The following EGFLAM variants were observed in gnomAD, a reference collection of about 807,000 sequenced individuals.
EGFLAM encodes the protein EGF like, fibronectin type III and laminin G domains, also known as pikachurin.
A neutral mutation model predicts 113.1 loss-of-function variants in EGFLAM; 79 were observed. The ratio of observed to expected loss-of-function variants is 0.70; its 90% CI spans 0.58 to 0.84. The LOEUF (loss-of-function observed/expected upper bound fraction) is 0.84. Ranked by LOEUF, EGFLAM falls within the 40% of genes least tolerant of loss-of-function variation. The probability of loss-of-function intolerance (pLI) is 0.00; values close to 1 mark genes in which losing one functional copy is unlikely to be tolerated. For missense variants in EGFLAM, 1,265 were observed against 1,291.6 expected (o/e 0.98, Z 0.32); for synonymous variants, 504 against 487.6 (o/e 1.03, Z -0.44).
chr5:38,388,718 C>T (rs1270532239), intron 6 of EGFLAM, among the ~76,000 whole-genome samples: 1 of 150,168 alleles, frequency 6.7e-6, no homozygotes, highest in Admixed American at 6.6e-5. Flanking sequence ...CGAGATTGGG[C>T]CACTACCCTC....
intron 1 of EGFLAM, among the ~76,000 whole-genome samples, chr5:38,332,964 T>C (rs993155780): frequency 6.6e-6 from 1 of 152,222 alleles, no homozygotes; most frequent in African/African-American, 2.4e-5. Flanking sequence ...TGGAGGCCTG[T>C]TCCCAACACC....
intron 6 of EGFLAM, among the ~76,000 whole-genome samples, chr5:38,371,522 C>G (rs2112037085): frequency 6.6e-6 from 1 of 152,214 alleles, no homozygotes; most frequent in East Asian, 1.9e-4. Context: ...TGAAAACAAC[C>G]TCTACCCTAA....
At chr5:38,452,947 C>T (rs985810399) in intron 19 of EGFLAM, among the ~76,000 whole-genome samples, 2 of 152,188 alleles carry the variant, frequency 1.3e-5, no homozygotes, top group African/African-American at 4.8e-5. Context: ...AGGGGCAGGG[C>T]CTGTCTCGTG....
At chr5:38,349,944 A>G in intron 3 of EGFLAM, among the ~76,000 whole-genome samples, 1 of 131,810 alleles carries the variant, frequency 7.6e-6, no homozygotes, top group East Asian at 2.3e-4. Flanking sequence ...CCGTTTGTGC[A>G]GGGGAAGTAC....
At chr5:38,448,903 C>G (rs947731175) in intron 18 of EGFLAM, among the ~76,000 whole-genome samples, 4 of 152,194 alleles carry the variant, frequency 2.6e-5, no homozygotes, top group Non-Finnish European at 5.9e-5. Flanking sequence ...CAGGCTCTGG[C>G]CAGTTCAGTG....
chr5:38,316,551 T>G (rs1738600018), intron 1 of EGFLAM, among the ~76,000 whole-genome samples: 1 of 152,248 alleles, frequency 6.6e-6, no homozygotes, highest in Non-Finnish European at 1.5e-5. Context: ...CAAGAACTGC[T>G]ACTGACATTA....
intron 1 of EGFLAM, among the ~76,000 whole-genome samples, chr5:38,276,353 T>A (rs1757883659): frequency 6.6e-6 from 1 of 152,064 alleles, no homozygotes; most frequent in Non-Finnish European, 1.5e-5. Flanking sequence ...ACCAATCAGA[T>A]AAATTGAACT....
chr5:38,278,685 C>A (rs1757946276), intron 1 of EGFLAM, among the ~76,000 whole-genome samples: 1 of 152,088 alleles, frequency 6.6e-6, no homozygotes, highest in Non-Finnish European at 1.5e-5. Context: ...GATGGGGTTT[C>A]ACCATGTTGG....
chr5:38,412,424 T>G (rs1354210677), intron 10 of EGFLAM, 80 bp from the exon 11 acceptor site: 2 of 1,606,540 alleles, frequency 1.2e-6, no homozygotes, highest in African/African-American at 2.7e-5. Flanking sequence ...GCTGTTGACC[T>G]GGAAGTGACG....
rs776689319 is a variant in EGFLAM, at chr5:38,438,294, C to T, written c.2303C>T (p.Thr768Ile). 1 of 1,613,242 alleles carries T rather than the reference C, an allele frequency of 6.2e-7. No individual in the cohort carries two copies. Among genetic ancestry groups the T allele is most frequent in the Non-Finnish European group, 8.5e-7 (1 of 1,179,502 alleles). ...SIQKIILNDR[T>I]IHVKHDFTSG... ...CTCAAGATCATCCTGAATGACCGAA[C>T]CATCCATGTGAAGCATGACTTCACC... is the stretch of plus-strand genomic sequence containing the variant. The change falls in exon 17 of 22, where the codon ACC (threonine) becomes ATC (isoleucine). Residue 768 changes from threonine (T) to isoleucine (I), a missense_variant. Transcript: ENST00000322350.
intron 5 of EGFLAM, among the ~76,000 whole-genome samples, chr5:38,360,889 C>G (rs1419549714): frequency 2.0e-5 from 3 of 151,560 alleles, no homozygotes; most frequent in African/African-American, 7.3e-5. Flanking sequence ...TAGTCTTGCT[C>G]TGTCACTTAG....
intron 1 of EGFLAM, among the ~76,000 whole-genome samples, chr5:38,264,999 T>C (rs1261876401): frequency 2.0e-5 from 3 of 152,196 alleles, no homozygotes; most frequent in African/African-American, 7.2e-5. Flanking sequence ...CTCTCTTTGT[T>C]AGTCTCACTC....
At chr5:38,452,595 A>G (rs529786942) in intron 19 of EGFLAM, among the ~76,000 whole-genome samples, 2 of 152,342 alleles carry the variant, frequency 1.3e-5, no homozygotes, top group Admixed American at 6.5e-5. Flanking sequence ...TCAGCAGCTC[A>G]GGGAGGTCTA....
At position 38,369,818 on chromosome 5, in the gene EGFLAM, T is replaced by C. The variant is rs181119816; in HGVS notation, c.546-478T>C. ...GTATAATTAAGACTAAGAATGTCCG[T>C]GAACAGATTCTTCTTGGGTTTTCCC... On this transcript the variant is annotated intron_variant, in intron 5 of 21. Coordinates refer to ENST00000322350, the MANE Select transcript of EGFLAM (RefSeq NM_152403.4). Among the ~76,000 whole-genome samples the C allele has an allele frequency of 1.5e-3, 229 of 152,376 alleles. 1 individual carries two copies. Among genetic ancestry groups the C allele is most frequent in the African/African-American group, 4.7e-3 (196 of 41,590 alleles).
intron 1 of EGFLAM, among the ~76,000 whole-genome samples, chr5:38,259,145 C>G (rs772583217): frequency 2.6e-5 from 4 of 152,242 alleles, no homozygotes; most frequent in Non-Finnish European, 5.9e-5. Context: ...AGCGATCGTG[C>G]TGTCTCAATT....
At chr5:38,367,501 T>C (rs932360353) in intron 5 of EGFLAM, among the ~76,000 whole-genome samples, 1 of 151,916 alleles carries the variant, frequency 6.6e-6, no homozygotes, top group African/African-American at 2.4e-5. Flanking sequence ...TCCTCCCACC[T>C]CGGCCTTCCA....
chr5:38,300,865 G>T (rs765458739), intron 1 of EGFLAM, among the ~76,000 whole-genome samples: 3 of 152,186 alleles, frequency 2.0e-5, no homozygotes, highest in Non-Finnish European at 4.4e-5. Context: ...AAAACTAACA[G>T]AATTTCCTGA....
intron 17 of EGFLAM, 40 bp downstream of exon 17, chr5:38,438,495 TG>T: frequency 6.6e-7 from 1 of 1,506,630 alleles, no homozygotes. Flanking sequence ...CTGGAGGGAG[TG>T]GAAGGAACGG....
intron 17 of EGFLAM, among the ~76,000 whole-genome samples, chr5:38,442,250 A>G (rs1341438832): frequency 6.7e-6 from 1 of 149,450 alleles, no homozygotes; most frequent in Non-Finnish European, 1.5e-5. Flanking sequence ...ATTTCTCTTT[A>G]ATATAATTTA....
Sources: gnomAD v4.1 joint callset for allele counts (sites outside exome capture counted in the v4.1 genomes callset) on GRCh38, gnomAD v4.1.1 for gene constraint, MANE v1.5 for transcripts, NCBI Gene and HGNC (gene_info 2026-07-23, HGNC 2026-07-21) for gene names.